PDE7B: variants seen among roughly 807,000 people sequenced by gnomAD.
PDE7B encodes 3',5'-cyclic-AMP phosphodiesterase 7B.
In PDE7B, 29 loss-of-function variants were observed where a neutral mutation model predicts 56.2. The observed-to-expected ratio is 0.52, with a 90% confidence interval of 0.38 to 0.70. PDE7B has a LOEUF of 0.70. PDE7B is among the 30% of genes least tolerant of loss of function. PDE7B has a pLI of 0.00. For missense variants in PDE7B, 490 were observed against 565.0 expected, an observed-to-expected ratio of 0.87 and a Z score of 1.35; for synonymous variants, 197 against 196.9, an observed-to-expected ratio of 1.00 and a Z score of 0.00.
chr6:135,917,546 G>C (rs1452785176), intron 1 of PDE7B, among the ~76,000 whole-genome samples: 1 of 151,126 alleles, frequency 6.6e-6, no homozygotes, highest in Non-Finnish European at 1.5e-5. Flanking sequence ...TATTTTAAAG[G>C]CTTCATCTGC....
chr6:136,179,714 T>G (rs1779033207), intron 10 of PDE7B, among the ~76,000 whole-genome samples: 2 of 152,210 alleles, frequency 1.3e-5, no homozygotes, highest in Non-Finnish European at 2.9e-5. Flanking sequence ...ATACAAAAAT[T>G]GGAAAACAAG....
At chr6:135,931,229 C>A (rs1295842313) in intron 1 of PDE7B, among the ~76,000 whole-genome samples, 1 of 152,160 alleles carries the variant, frequency 6.6e-6, no homozygotes. Context: ...GATTTTAAAC[C>A]TTTACATGAA....
At chr6:135,909,988 A>T (rs565657098) in intron 1 of PDE7B, among the ~76,000 whole-genome samples, 1 of 152,284 alleles carries the variant, frequency 6.6e-6, no homozygotes, top group South Asian at 2.1e-4. Flanking sequence ...TTACATTTGC[A>T]AGAGACTGTT....
Position 135,991,804 on chromosome 6 carries a change from G to A in PDE7B, c.82+44280G>A, listed in dbSNP as rs969996072. The A allele has an allele frequency of 3.3e-5, 5 of 152,308 alleles. No individual in the cohort carries two copies. In the East Asian group the frequency reaches 5.8e-4, roughly 18 times the overall value. The allele number at this position is 152,308 out of a possible 1,614,324, so 9.4% of individuals were successfully genotyped here. A position where few individuals can be genotyped will look rare whatever the true frequency, so the allele number is the denominator to read the frequency against. ...TGCAGAGAGAAAAAAGAGGCTGTGA[G>A]CTTTCAAGACTTTATGCCTATGCCT... On this transcript the variant is annotated intron_variant, in intron 2 of 12. Transcript: ENST00000308191.
At chr6:135,957,547 G>T (rs1449663954) in intron 2 of PDE7B, among the ~76,000 whole-genome samples, 1 of 152,086 alleles carries the variant, frequency 6.6e-6, no homozygotes, top group African/African-American at 2.4e-5. Context: ...ATCTGCAAGG[G>T]GATGCCTTGA....
chr6:136,195,455 G>GGAAAA lies in PDE7B; in HGVS notation c.*3615_*3616insGAAAA, dbSNP rs1314988051. On this transcript the variant is annotated 3_prime_UTR_variant, in exon 13 of 13. Transcript: ENST00000308191. ...CATTTTGTATACACATGTGAGGTTT[G>GGAAAA]AAAAAAAAAAAAAAAAAAAAAAGAA... is the stretch of plus-strand genomic sequence containing the variant. 1.4e-5 allele frequency: 1 copy of GGAAAA among 68,968 alleles called. No individual in the cohort carries two copies. Among genetic ancestry groups the GGAAAA allele is most frequent in the African/African-American group, 4.3e-5 (1 of 23,260 alleles). 4.3% of individuals were successfully genotyped at this position (68,968 alleles called of 1,614,324 possible).
intron 1 of PDE7B, among the ~76,000 whole-genome samples, chr6:135,858,641 C>T (rs1232326047): frequency 6.6e-6 from 1 of 152,140 alleles, no homozygotes; most frequent in East Asian, 1.9e-4. Context: ...CTCTGGGCAC[C>T]AGCTTTCTCA....
intron 3 of PDE7B, among the ~76,000 whole-genome samples, chr6:136,116,809 C>T (rs995813809): frequency 5.9e-5 from 9 of 152,272 alleles, no homozygotes; most frequent in East Asian, 5.8e-4. Context: ...CCAGAACAGG[C>T]GTCATGAAGT....
chr6:135,969,492 T>A (rs1775054723), intron 2 of PDE7B, among the ~76,000 whole-genome samples: 1 of 152,038 alleles, frequency 6.6e-6, no homozygotes, highest in Non-Finnish European at 1.5e-5. Context: ...AAAGGTCTCA[T>A]AGATCAAGAG....
At chr6:136,159,934 C>CTG (rs1467486292) in intron 8 of PDE7B, among the ~76,000 whole-genome samples, 1 of 152,158 alleles carries the variant, frequency 6.6e-6, no homozygotes, top group Non-Finnish European at 1.5e-5. Flanking sequence ...ATTTGAAAAC[C>CTG]TGTGTTGGTG....
At chr6:135,906,480 T>C (rs1190165729) in intron 1 of PDE7B, among the ~76,000 whole-genome samples, 1 of 152,098 alleles carries the variant, frequency 6.6e-6, no homozygotes, top group Non-Finnish European at 1.5e-5. Context: ...TTTTACACCA[T>C]TCCCAAATGG....
At chr6:135,954,703 C>G (rs1774757684) in intron 2 of PDE7B, among the ~76,000 whole-genome samples, 1 of 152,104 alleles carries the variant, frequency 6.6e-6, no homozygotes, top group Non-Finnish European at 1.5e-5. Flanking sequence ...ATTATTTTGT[C>G]TTCTGTTTAT....
intron 1 of PDE7B, among the ~76,000 whole-genome samples, chr6:135,902,069 C>T (rs949703984): frequency 4.6e-5 from 7 of 152,080 alleles, no homozygotes; most frequent in Non-Finnish European, 8.8e-5. Flanking sequence ...TTCCTCTTAC[C>T]GGACACTAAG....
At chr6:136,118,230 A>G (rs759991018) in intron 3 of PDE7B, among the ~76,000 whole-genome samples, 49 of 152,088 alleles carry the variant, frequency 3.2e-4, no homozygotes, top group Non-Finnish European at 3.7e-4. Context: ...GTCCTTTGTG[A>G]AGCCTTCTTC....
At chr6:136,083,507 T>C (rs943094510) in intron 2 of PDE7B, among the ~76,000 whole-genome samples, 13 of 152,228 alleles carry the variant, frequency 8.5e-5, no homozygotes, top group Non-Finnish European at 1.9e-4. Flanking sequence ...AATGGCATGC[T>C]AACTACCCTT....
In PDE7B at chr6:136,121,220, C is replaced by G. The variant is rs541058226; in HGVS notation, c.166+12406C>G. Among the ~76,000 whole-genome samples, 349 of 152,298 alleles carry G rather than the reference C, an allele frequency of 2.3e-3. 3 individuals are homozygous for G. Among genetic ancestry groups the G allele is most frequent in the African/African-American group, 8.0e-3 (332 of 41,572 alleles). On this transcript the variant is annotated intron_variant, in intron 3 of 12. Coordinates refer to ENST00000308191, the MANE Select transcript of PDE7B (RefSeq NM_018945.4). ...GGGGTTGGGAGATGTCCCCTCCTTG[C>G]TTTCCTGTGATTCTGGATCCTATAA...
intron 2 of PDE7B, among the ~76,000 whole-genome samples, chr6:135,978,229 T>C (rs1775226522): frequency 6.6e-6 from 1 of 152,140 alleles, no homozygotes; most frequent in African/African-American, 2.4e-5. Context: ...TAGGCAATTG[T>C]AATATAGTGG....
At position 136,151,144 on chromosome 6, in the gene PDE7B, G is replaced by A. The variant is rs752748460; in HGVS notation, c.383-16G>A. 7.1e-7 allele frequency: 1 copy of A among 1,415,434 alleles called. No individual in the cohort carries two copies. The highest frequency in any genetic ancestry group is 1.2e-5 in the South Asian group (1 of 86,376). 87.7% of individuals were successfully genotyped at this position (1,415,434 alleles called of 1,614,324 possible). A position where few individuals can be genotyped will look rare whatever the true frequency, so the allele number is the denominator to read the frequency against. ...GTGATCAAAATTAGTTAAAGGAAGT[G>A]ACTGTTTTCCTGCAGGAAACAGCCT... On this transcript the variant is annotated splice_polypyrimidine_tract_variant and intron_variant, in intron 5 of 12. Coordinates refer to ENST00000308191, the MANE Select transcript of PDE7B (RefSeq NM_018945.4).
chr6:135,885,224 G>A (rs563738754), intron 1 of PDE7B, among the ~76,000 whole-genome samples: 17 of 152,080 alleles, frequency 1.1e-4, no homozygotes, highest in African/African-American at 2.9e-4. Flanking sequence ...GTTTCATAAA[G>A]CCTGTTATCA....
Sources: allele counts gnomAD v4.1 joint callset (sites outside exome capture counted in the v4.1 genomes callset), GRCh38; gene constraint gnomAD v4.1.1; transcripts MANE v1.5; gene names NCBI Gene and HGNC (gene_info 2026-07-23, HGNC 2026-07-21).